Variants in PCDHGB6 observed in about 807,000 individuals in gnomAD.
The protein encoded by PCDHGB6 is protocadherin gamma-B6.
PCDHGB6 carries 51 observed loss-of-function variants against 59.1 expected under a neutral mutation model. That is an observed-to-expected ratio of 0.86 (90% CI 0.69 to 1.09). The LOEUF (loss-of-function observed/expected upper bound fraction) is 1.09. PCDHGB6 is among the 50% of genes least tolerant of loss of function. PCDHGB6 has a pLI of 0.00. For missense variants in PCDHGB6, 1,148 were observed against 1,205.1 expected (o/e 0.95, Z 0.70); for synonymous variants, 466 against 495.1 (o/e 0.94, Z 0.78).
chr5:141,419,402 T>G (rs2096376244), intron 1 of PCDHGB6: 1 of 1,613,378 alleles, frequency 6.2e-7, no homozygotes, highest in African/African-American at 1.3e-5. Flanking sequence ...CGGGGTGGTG[T>G]TCGCGCAGCG....
chr5:141,486,091 G>A lies in PCDHGB6; in HGVS notation c.2419-8716G>A, dbSNP rs2099624256. On this transcript the variant is annotated intron_variant, in intron 1 of 3. Coordinates refer to ENST00000520790, the MANE Select transcript of PCDHGB6 (RefSeq NM_018926.3). This position sits in a 1 kb window ranked among gnomAD's most constrained non-coding sequence, Gnocchi z 5.0. ...CTACTGGAAAGCTTACTCTTTTGGGGCCCCTAGACTTTGAGAGTGAGAATT... is the reference window on the plus strand; with the variant it reads ...CTACTGGAAAGCTTACTCTTTTGGGACCCCTAGACTTTGAGAGTGAGAATT... 2 of 1,614,158 alleles carry A rather than the reference G, an allele frequency of 1.2e-6. No homozygotes were observed. Among genetic ancestry groups the A allele is most frequent in the Non-Finnish European group, 1.7e-6 (2 of 1,180,024 alleles).
At position 141,485,163 on chromosome 5, in the gene PCDHGB6, G is replaced by A. The variant is rs2099608470; in HGVS notation, c.2419-9644G>A. 14 of 1,604,624 alleles carry A rather than the reference G, an allele frequency of 8.7e-6. No individual in the cohort carries two copies. The highest frequency in any genetic ancestry group is 1.1e-5 in the Non-Finnish European group (13 of 1,172,560). ...TCTCAGGAGCAAGTAGAGAATTAGCGGGCGGCAGCAATGCTCCGCAAGGTG... is the reference window on the plus strand; with the variant it reads ...TCTCAGGAGCAAGTAGAGAATTAGCAGGCGGCAGCAATGCTCCGCAAGGTG... On this transcript the variant is annotated intron_variant, in intron 1 of 3. Coordinates refer to ENST00000520790, the MANE Select transcript of PCDHGB6 (RefSeq NM_018926.3). The surrounding 1 kb of genome is among the most constrained non-coding windows in gnomAD (Gnocchi z 5.7).
intron 1 of PCDHGB6, chr5:141,416,112 T>C (rs555358881): frequency 6.4e-6 from 1 of 156,492 alleles, no homozygotes; most frequent in Non-Finnish European, 1.4e-5. Context: ...TTTTTCAAAC[T>C]ACATTTTATA....
At position 141,487,505 on chromosome 5, in the gene PCDHGB6, G is replaced by GTA; in HGVS notation, c.2419-7302_2419-7301insTA. The GTA allele has an allele frequency of 1.2e-6, 2 of 1,614,200 alleles. No homozygotes were observed. The highest frequency in any genetic ancestry group is 1.7e-6 in the Non-Finnish European group (2 of 1,180,032). ...TCATGGCTGTACACCCTTGGCTTCTGCACCCACTCGGAGTGATAGCTTCAT... is the reference window on the plus strand; with the variant it reads ...TCATGGCTGTACACCCTTGGCTTCTGTACACCCACTCGGAGTGATAGCTTCAT... On this transcript the variant is annotated intron_variant, in intron 1 of 3. Coordinates refer to ENST00000520790, the MANE Select transcript of PCDHGB6 (RefSeq NM_018926.3). This position sits in a 1 kb window ranked among gnomAD's most constrained non-coding sequence, Gnocchi z 5.0.
At chr5:141,466,871 T>C (rs1432611218) in intron 1 of PCDHGB6, among the ~76,000 whole-genome samples, 2 of 152,166 alleles carry the variant, frequency 1.3e-5, no homozygotes, top group African/African-American at 4.8e-5. Flanking sequence ...ATCCACACAT[T>C]TTTTTCATAA....
rs1285539149 is a variant in PCDHGB6 at position 141,409,266 on chromosome 5, A to G, written c.1064A>G (p.Gln355Arg). The G allele has an allele frequency of 1.1e-5, 17 of 1,613,922 alleles. No homozygotes were observed. The highest frequency in any genetic ancestry group is 1.4e-5 in the Non-Finnish European group (16 of 1,179,902). Residue 355 changes from glutamine (Q) to arginine (R), a missense_variant, in exon 1 of 4, where the codon CAG becomes CGG. Gln to Arg is a conservative substitution (Grantham distance 43, BLOSUM62 1). Around this residue, in one of 5 missense-constraint regions of PCDHGB6, gnomAD observed 549 missense variants for 527.5 expected, o/e 1.04. Coordinates refer to ENST00000520790, the MANE Select transcript of PCDHGB6 (RefSeq NM_018926.3). ...PEIIITSLSDQILENSPPGMV... is the reference protein window; with the variant it reads ...PEIIITSLSDRILENSPPGMV... ...ATAATCATCACTTCTCTCTCTGATCAGATTTTGGAGAATTCACCTCCAGGA... is the reference window on the plus strand; with the variant it reads ...ATAATCATCACTTCTCTCTCTGATCGGATTTTGGAGAATTCACCTCCAGGA...
chr5:141,408,074 C>T lies in PCDHGB6; in HGVS notation c.-129C>T. On this transcript the variant is annotated 5_prime_UTR_variant, in exon 1 of 4. Transcript: ENST00000520790. ...AGCCTCCCGGCTGCGCAGACCTTTCCCAGCACAGCGGATTGCCAGCTCCGA... is the reference window on the plus strand; with the variant it reads ...AGCCTCCCGGCTGCGCAGACCTTTCTCAGCACAGCGGATTGCCAGCTCCGA... 7.2e-7 allele frequency: 1 copy of T among 1,395,302 alleles called. No homozygotes were observed. The highest frequency in any genetic ancestry group is 9.5e-7 in the Non-Finnish European group (1 of 1,058,012). The allele number at this position is 1,395,302 out of a possible 1,614,324, so 86.4% of individuals were successfully genotyped here.
intron 1 of PCDHGB6, among the ~76,000 whole-genome samples, chr5:141,459,691 C>T (rs754899227): frequency 3.9e-5 from 6 of 152,158 alleles, no homozygotes; most frequent in East Asian, 1.9e-4. Flanking sequence ...TAAAGCGTTC[C>T]GCTTGCTACA....
chr5:141,412,790 A>G lies in PCDHGB6; in HGVS notation c.2418+2170A>G, dbSNP rs557299291. ...ATTTACAATATTTTCACTCCACTTTATCACACCTCCCCTAAGAAACCTACA... is the reference window on the plus strand; with the variant it reads ...ATTTACAATATTTTCACTCCACTTTGTCACACCTCCCCTAAGAAACCTACA... On this transcript the variant is annotated intron_variant, in intron 1 of 3. Coordinates refer to ENST00000520790, the MANE Select transcript of PCDHGB6 (RefSeq NM_018926.3). Among the ~76,000 whole-genome samples the G allele has an allele frequency of 2.0e-5, 3 of 152,370 alleles. No individual in the cohort carries two copies. The South Asian group carries it at 6.2e-4, about 32-fold the overall frequency.
intron 1 of PCDHGB6, among the ~76,000 whole-genome samples, chr5:141,449,607 A>G (rs1279835785): frequency 1.3e-5 from 2 of 149,984 alleles, no homozygotes; most frequent in African/African-American, 4.9e-5. Flanking sequence ...AAAAAAAAAA[A>G]GTAAAAAAGT....
chr5:141,436,220 T>C (rs1179034537), intron 1 of PCDHGB6, among the ~76,000 whole-genome samples: 2 of 152,096 alleles, frequency 1.3e-5, no homozygotes, highest in Non-Finnish European at 2.9e-5. Flanking sequence ...ACAAATGACT[T>C]GGGAAACTAA....
At chr5:141,414,266 C>T in intron 1 of PCDHGB6, 1 of 1,613,254 alleles carries the variant, frequency 6.2e-7, no homozygotes, top group Non-Finnish European at 8.5e-7. Context: ...ACTGAAGATT[C>T]ACCTCTGGGA....
chr5:141,422,916 C>T, intron 1 of PCDHGB6: 1 of 1,614,260 alleles, frequency 6.2e-7, no homozygotes, highest in Non-Finnish European at 8.5e-7. Context: ...CGCCCGAGAT[C>T]CTGTACCCTG....
chr5:141,467,625 T>C (rs1407031447), intron 1 of PCDHGB6, among the ~76,000 whole-genome samples: 1 of 152,202 alleles, frequency 6.6e-6, no homozygotes, highest in African/African-American at 2.4e-5. Flanking sequence ...TGATTTGAGA[T>C]AGCATCTTTA....
Position 141,408,763 on chromosome 5 carries a change from T to C in PCDHGB6, c.561T>C (p.Asp187=). ...CATTAATGGTTAGAGTTAATTCCGA[T>C]GGTGGCAAATACCCAGAGTTATCTC... The part of the protein sequence containing the change: ...YFSLMVRVNS[D]GGKYPELSLE... Residue 187 remains aspartate, a synonymous_variant, in exon 1 of 4, where the codon GAT becomes GAC. Transcript: ENST00000520790. The C allele has an allele frequency of 6.2e-7, 1 of 1,611,150 alleles. No individual in the cohort carries two copies.
chr5:141,433,042 G>T (rs752612411), intron 1 of PCDHGB6: 10 of 1,614,024 alleles, frequency 6.2e-6, no homozygotes, highest in East Asian at 4.5e-5. Flanking sequence ...CCCTCACCAC[G>T]GACTCGCGGA....
Position 141,487,494 on chromosome 5 carries a change from C to A in PCDHGB6, c.2419-7313C>A, listed in dbSNP as rs116370895. On this transcript the variant is annotated intron_variant, in intron 1 of 3. Transcript: ENST00000520790. The surrounding 1 kb of genome is among the most constrained non-coding windows in gnomAD (Gnocchi z 5.0). The stretch of plus-strand genomic sequence containing the variant: ...GGAGGCCACTCTCATGGCTGTACAC[C>A]CTTGGCTTCTGCACCCACTCGGAGT... 1,421 of 1,614,120 alleles carry A rather than the reference C, an allele frequency of 8.8e-4. 3 individuals are homozygous for A. Among genetic ancestry groups the A allele is most frequent in the Non-Finnish European group, 1.2e-3 (1,358 of 1,180,034 alleles).
intron 1 of PCDHGB6, chr5:141,415,157 C>G: frequency 6.2e-7 from 1 of 1,613,864 alleles, no homozygotes. Context: ...CTCTCCGCCA[C>G]TGTCACGCTC....
In PCDHGB6 at chr5:141,476,177, C is replaced by T. The variant is rs1221752964; in HGVS notation, c.2419-18630C>T. On this transcript the variant is annotated intron_variant, in intron 1 of 3. Transcript: ENST00000520790. The surrounding 1 kb of genome is among the most constrained non-coding windows in gnomAD (Gnocchi z 7.6). ...CACCGGGAGGGTAGTGGGAGTTTTG[C>T]TTCTGCTTGGTGCCTTGAACAAGGC... 6.2e-7 allele frequency: 1 copy of T among 1,613,436 alleles called. No individual in the cohort carries two copies. Among genetic ancestry groups the T allele is most frequent in the Non-Finnish European group, 8.5e-7 (1 of 1,179,944 alleles).
Sources: gnomAD v4.1 joint callset for allele counts (sites outside exome capture counted in the v4.1 genomes callset) on GRCh38, gnomAD v4.1.1 for gene constraint, gnomAD v4.1.1 regional missense constraint, Gnocchi (gnomAD v3.1) non-coding constraint, MANE v1.5 for transcripts, NCBI Gene and HGNC (gene_info 2026-07-23, HGNC 2026-07-21) for gene names.